Variants in AKAP6 observed in about 807,000 individuals in gnomAD.
AKAP6 encodes A-kinase anchor protein 6.
Under a neutral mutation model 188.5 loss-of-function variants are expected in AKAP6, and 58 were observed. The observed-to-expected ratio is 0.31, with a 90% CI of 0.25 to 0.38. The LOEUF is 0.38. AKAP6 is among the 10% of genes least tolerant of loss of function. The pLI, the probability that AKAP6 is intolerant of heterozygous loss-of-function variation, is 1.00. For synonymous variants in AKAP6, 989 were observed against 998.6 expected (o/e 0.99, Z 0.18); for missense variants, 2,710 against 2,740.0 (o/e 0.99, Z 0.24).
At position 32,540,128 on chromosome 14, in the gene AKAP6, T is replaced by TGC. The variant is rs1392079529; in HGVS notation, c.576+4326_576+4327dup. 2.0e-3 allele frequency among the ~76,000 whole-genome samples: 205 copies of TGC among 103,804 alleles called. 1 individual carries two copies. Among genetic ancestry groups the TGC allele is most frequent in the African/African-American group, 9.1e-3 (191 of 20,946 alleles). The allele number at this position is 103,804 out of a possible 152,430, so 68.1% of individuals were successfully genotyped here. A position where few individuals can be genotyped will look rare whatever the true frequency, so the allele number is the denominator to read the frequency against. ...AAAAAGGAGGGGTGTTCTTTGCTCG[T>TGC]GCGCTCTCTCTCTCTCTCTCTCTCT... On this transcript the variant is annotated intron_variant, in intron 3 of 13. Coordinates refer to ENST00000280979, the MANE Select transcript of AKAP6 (RefSeq NM_004274.5).
rs118125954 is a variant in AKAP6, at chr14:32,664,912, G to C, written c.2731-13399G>C. ...TTCATGCTCTACTCACCCCTGCTGT[G>C]CAAATAGATTTCCACCCATAGCTTT... On this transcript the variant is annotated intron_variant, in intron 7 of 13. Transcript: ENST00000280979. Among the ~76,000 whole-genome samples the C allele has an allele frequency of 1.3e-3, 198 of 152,208 alleles. 2 individuals are homozygous for C. Among genetic ancestry groups the C allele is most frequent in the Non-Finnish European group, 2.4e-3 (163 of 67,998 alleles).
intron 1 of AKAP6, among the ~76,000 whole-genome samples, chr14:32,371,980 CCCTTCTCTCCTT>C (rs940421770): frequency 1.3e-5 from 2 of 152,032 alleles, no homozygotes; most frequent in Admixed American, 6.6e-5. Flanking sequence ...CCCTCTTCCT[CCCTTCTCTCCTT>C]CCTTCTCTTT....
intron 1 of AKAP6, among the ~76,000 whole-genome samples, chr14:32,397,858 G>A (rs910886411): frequency 6.6e-6 from 1 of 152,170 alleles, no homozygotes; most frequent in African/African-American, 2.4e-5. Context: ...TTCCTTTGGG[G>A]AAAATGCAAC....
intron 11 of AKAP6, among the ~76,000 whole-genome samples, chr14:32,742,596 T>G (rs1420072410): frequency 6.6e-6 from 1 of 152,134 alleles, no homozygotes; most frequent in African/African-American, 2.4e-5. Flanking sequence ...AAGAAACTTT[T>G]CAATTTCCTT....
At chr14:32,709,503 A>G (rs12435098) in intron 9 of AKAP6, among the ~76,000 whole-genome samples, 15,233 of 152,000 alleles carry the variant, frequency 0.1, 802 homozygotes, top group Admixed American at 0.12. Context: ...GTTGATCTCT[A>G]AGAGATTTTG....
chr14:32,658,032 G>A (rs543812045), intron 7 of AKAP6, among the ~76,000 whole-genome samples: 11 of 152,022 alleles, frequency 7.2e-5, no homozygotes, highest in Non-Finnish European at 1.0e-4. Context: ...ACAAGGCAAC[G>A]TAGATTGTTT....
rs1043859360 is a variant in AKAP6, at chr14:32,329,846, C to T, written c.-35+438C>T. ...GCAGTATGAAATTCATTATTTACCT[C>T]GGTTGGGTTTCAGTTTCTTCATGGC... On this transcript the variant is annotated intron_variant, in intron 1 of 13. Transcript: ENST00000280979. Among the ~76,000 whole-genome samples, 5 of 152,004 alleles carry T rather than the reference C, an allele frequency of 3.3e-5. No homozygotes were observed. The East Asian group carries it at 7.7e-4, about 23-fold the overall frequency.
intron 1 of AKAP6, among the ~76,000 whole-genome samples, chr14:32,405,185 G>A (rs908841608): frequency 6.6e-6 from 1 of 151,992 alleles, no homozygotes; most frequent in African/African-American, 2.4e-5. Flanking sequence ...GCCATTCTGG[G>A]ATCATTTTGT....
At chr14:32,745,585 C>T (rs1006884151) in intron 11 of AKAP6, among the ~76,000 whole-genome samples, 3 of 152,008 alleles carry the variant, frequency 2.0e-5, no homozygotes, top group Admixed American at 2.0e-4. Flanking sequence ...ATCCCTATGG[C>T]CACCACCACT....
In AKAP6 at chr14:32,600,938, G is replaced by T. The variant is rs1039039854; in HGVS notation, c.2730+146G>T. 3 of 686,422 alleles carry T rather than the reference G, an allele frequency of 4.4e-6. 1 individual carries two copies. The African/African-American group carries it at 5.6e-5, about 13-fold the overall frequency. 42.5% of individuals were successfully genotyped at this position (686,422 alleles called of 1,614,324 possible). A position where few individuals can be genotyped will look rare whatever the true frequency, so the allele number is the denominator to read the frequency against. ...CTCTCTATATATATATAAACAAAAT[G>T]AAATGCCTTAGTTTAAAACAATAAA... On this transcript the variant is annotated intron_variant, in intron 7 of 13. Coordinates refer to ENST00000280979, the MANE Select transcript of AKAP6 (RefSeq NM_004274.5).
chr14:32,740,655 C>T (rs1292901277), intron 11 of AKAP6, among the ~76,000 whole-genome samples: 1 of 151,936 alleles, frequency 6.6e-6, no homozygotes, highest in Non-Finnish European at 1.5e-5. Flanking sequence ...ATGTTCTTGG[C>T]AAGTTTGTTG....
At chr14:32,714,697 T>C (rs1324813091) in intron 9 of AKAP6, among the ~76,000 whole-genome samples, 1 of 151,968 alleles carries the variant, frequency 6.6e-6, no homozygotes, top group Non-Finnish European at 1.5e-5. Context: ...TTAGGCAGAA[T>C]TACCAAATGC....
chr14:32,695,913 A>C, intron 8 of AKAP6, 77 bp from the exon 9 acceptor site: 2 of 1,475,110 alleles, frequency 1.4e-6, no homozygotes, highest in Non-Finnish European at 1.8e-6. Context: ...TGGGTTTTCA[A>C]GAATATATTA....
At chr14:32,778,002 G>A (rs1298908321) in intron 12 of AKAP6, among the ~76,000 whole-genome samples, 5 of 152,142 alleles carry the variant, frequency 3.3e-5, no homozygotes, top group Non-Finnish European at 5.9e-5. Flanking sequence ...TTGTGCCACT[G>A]CACTCTAGCC....
At chr14:32,396,036 G>T (rs8010314) in intron 1 of AKAP6, among the ~76,000 whole-genome samples, 144,625 of 152,222 alleles carry the variant, frequency 0.95, 69,050 homozygotes, top group East Asian at 1. Context: ...TCATTAATGA[G>T]CTATAATGTG....
chr14:32,803,287 A>C (rs559078275), intron 12 of AKAP6, among the ~76,000 whole-genome samples: 10 of 138,586 alleles, frequency 7.2e-5, no homozygotes, highest in Non-Finnish European at 1.2e-4. Flanking sequence ...CTATAAAAAA[A>C]AAAACAAAAC....
intron 7 of AKAP6, among the ~76,000 whole-genome samples, chr14:32,651,715 C>T (rs1259822423): frequency 1.3e-5 from 2 of 152,118 alleles, no homozygotes; most frequent in Admixed American, 6.6e-5. Flanking sequence ...TTAATTACCT[C>T]CCTAAGGCCA....
chr14:32,356,563 G>A (rs1160151914), intron 1 of AKAP6, among the ~76,000 whole-genome samples: 1 of 152,130 alleles, frequency 6.6e-6, no homozygotes, highest in African/African-American at 2.4e-5. Context: ...TCTAAAATCT[G>A]AGTGTATCAT....
In AKAP6 at chr14:32,824,683, G is replaced by A. The variant is rs757994643; in HGVS notation, c.6870G>A (p.Lys2290=). ...LSLKANQPTD[K]AALHPSPKTL... is the part of the protein sequence containing the mutation. ...TGAAGGCAAATCAGCCAACAGACAA[G>A]GCCGCATTGCATCCCAGCCCCAAAA... The change falls in exon 13 of 14, where the codon AAG becomes AAA. Residue 2290 remains lysine, a synonymous_variant. Transcript: ENST00000280979. 1 of 1,613,852 alleles carries A rather than the reference G, an allele frequency of 6.2e-7. No homozygotes were observed. Among genetic ancestry groups the A allele is most frequent in the South Asian group, 1.1e-5 (1 of 91,078 alleles).
Sources: gnomAD v4.1 joint callset for allele counts (sites outside exome capture counted in the v4.1 genomes callset) on GRCh38, gnomAD v4.1.1 for gene constraint, MANE v1.5 for transcripts, NCBI Gene and HGNC (gene_info 2026-07-23, HGNC 2026-07-21) for gene names.